The following IQGAP3 variants were observed in gnomAD, a reference collection of about 807,000 sequenced individuals.
IQGAP3 encodes the protein ras GTPase-activating-like protein IQGAP3.
A neutral mutation model predicts 208.2 loss-of-function variants in IQGAP3; 165 were observed. The observed-to-expected ratio is 0.79, with a 90% CI of 0.70 to 0.90. The LOEUF is 0.90. Ranked by LOEUF, IQGAP3 falls within the 40% of genes least tolerant of loss-of-function variation. The pLI, the probability that IQGAP3 is intolerant of heterozygous loss-of-function variation, is 0.00. For missense variants in IQGAP3, 1,811 were observed against 2,043.1 expected, an observed-to-expected ratio of 0.89 and a Z score of 2.19; for synonymous variants, 703 against 803.6, an observed-to-expected ratio of 0.87 and a Z score of 2.12.
At chr1:156,550,477 C>G in intron 15 of IQGAP3, 126 bp from the exon 16 acceptor site, 1 of 685,670 alleles carries the variant, frequency 1.5e-6, no homozygotes. Context: ...GTGATCTCCA[C>G]TCAGCTCTCT....
chr1:156,546,101 G>C (rs1223868658), intron 19 of IQGAP3, among the ~76,000 whole-genome samples: 1 of 152,132 alleles, frequency 6.6e-6, no homozygotes, highest in Non-Finnish European at 1.5e-5. Flanking sequence ...TCCTCCTCCA[G>C]GTACTGACTG....
chr1:156,568,442 C>T (rs1474716459), intron 2 of IQGAP3, among the ~76,000 whole-genome samples: 1 of 152,240 alleles, frequency 6.6e-6, no homozygotes, highest in Non-Finnish European at 1.5e-5. Context: ...GTCTCAAACT[C>T]CTGGCCCCAG....
Position 156,535,244 on chromosome 1 carries a change from A to G in IQGAP3, c.3426T>C (p.Tyr1142=). The G allele has an allele frequency of 6.2e-7, 1 of 1,609,576 alleles. No individual in the cohort carries two copies. Among genetic ancestry groups the G allele is most frequent in the Non-Finnish European group, 8.5e-7 (1 of 1,177,058 alleles). Residue 1142 remains tyrosine, a synonymous_variant, in exon 28 of 38, where the codon TAT becomes TAC. Coordinates refer to ENST00000361170, the MANE Select transcript of IQGAP3 (RefSeq NM_178229.5). The stretch of plus-strand genomic sequence containing the variant: ...GGACTTTGGCCACATATCGCATCCC[A>G]TACCTGGGGACAAAGAAACAGGTGC... The part of the protein sequence containing the change: ...AITSSVDQIP[Y]GMRYVAKVLK...
chr1:156,531,063 T>G, intron 33 of IQGAP3, 97 bp downstream of exon 33: 1 of 847,344 alleles, frequency 1.2e-6, no homozygotes, highest in Non-Finnish European at 2.0e-6. Flanking sequence ...TTCTGGCTGA[T>G]GTGGGTGAGG....
intron 28 of IQGAP3, 84 bp downstream of exon 28, chr1:156,535,077 TTG>T: frequency 2.0e-6 from 2 of 1,003,420 alleles, no homozygotes; most frequent in Non-Finnish European, 3.2e-6. Flanking sequence ...ATAGGATTTT[TTG>T]TGTTTTTGTC....
At position 156,530,263 on chromosome 1, in the gene IQGAP3, G is replaced by A; in HGVS notation, c.4246C>T (p.Pro1416Ser). The change falls in exon 34 of 38, where the codon CCG (proline) becomes TCG (serine). Residue 1416 changes from proline to serine, a missense_variant. By Grantham distance (74) the Pro-to-Ser change is moderately conservative (BLOSUM62 -1). Coordinates refer to ENST00000361170, the MANE Select transcript of IQGAP3 (RefSeq NM_178229.5). ...GAGCGGTGTCGTCGCAGTGGCTCCG[G>A]TGTCTGGGCTGTACAGGCCTGGCGT... ...SRRQACTAQT[P>S]EPLRRHRSLT... 7 of 1,612,544 alleles carry A rather than the reference G, an allele frequency of 4.3e-6. No individual in the cohort carries two copies. The highest frequency in any genetic ancestry group is 5.9e-6 in the Non-Finnish European group (7 of 1,179,994).
chr1:156,566,245 A>G, intron 3 of IQGAP3, 141 bp from the exon 4 acceptor site: 2 of 1,208,124 alleles, frequency 1.7e-6, no homozygotes, highest in Non-Finnish European at 2.4e-6. Flanking sequence ...TTCCATCCCT[A>G]CCAGGACAGA....
At chr1:156,565,547 T>C (rs1676363894) in intron 4 of IQGAP3, among the ~76,000 whole-genome samples, 2 of 152,254 alleles carry the variant, frequency 1.3e-5, no homozygotes, top group African/African-American at 4.8e-5. Flanking sequence ...CCATGTGATC[T>C]TCCTGACAAC....
At chr1:156,539,065 T>C (rs749997004) in intron 25 of IQGAP3, 32 bp from the exon 26 acceptor site, 2 of 1,579,376 alleles carry the variant, frequency 1.3e-6, no homozygotes, top group South Asian at 2.2e-5. Context: ...AAACCAGTCT[T>C]CTGCCTCTGT....
rs765779794 is a variant in IQGAP3, at chr1:156,530,306, G to C, written c.4203C>G (p.His1401Gln). The stretch of plus-strand genomic sequence containing the variant: ...CCTGGCGTCGGCTCATCAGCTGCTT[G>C]TGGGCTGCTTCCTGGGGACACACAG... The part of the protein sequence containing the change: ...LSASREQEAA[H>Q]KQLMSRRQAC... The change falls in exon 34 of 38, where the codon CAC becomes CAG. Residue 1401 changes from histidine to glutamine, a missense_variant. By Grantham distance (24) the His-to-Gln change is conservative (BLOSUM62 0). Coordinates refer to ENST00000361170, the MANE Select transcript of IQGAP3 (RefSeq NM_178229.5). 1.9e-6 allele frequency: 3 copies of C among 1,608,026 alleles called. No individual in the cohort carries two copies. The highest frequency in any genetic ancestry group is 2.7e-5 in the African/African-American group (2 of 74,888).
Position 156,548,447 on chromosome 1 carries a change from G to A in IQGAP3, c.2034C>T (p.Gly678=), listed in dbSNP as rs769466989. 5 of 1,613,822 alleles carry A rather than the reference G, an allele frequency of 3.1e-6. No homozygotes were observed. The highest frequency in any genetic ancestry group is 4.2e-6 in the Non-Finnish European group (5 of 1,179,974). Residue 678 remains glycine, a synonymous_variant, in exon 18 of 38, where the codon GGC becomes GGT. Transcript: ENST00000361170. ...TCTGCAGATGGAAGTAGTAGGCAGT[G>A]CCATCCTTCATGTCATGTTGAACCC... ...AFWVQHDMKD[G]TAYYFHLQTF...
At chr1:156,542,226 G>A (rs112796724) in intron 22 of IQGAP3, among the ~76,000 whole-genome samples, 6,848 of 152,240 alleles carry the variant, frequency 0.045, 206 homozygotes, top group South Asian at 0.082. Flanking sequence ...GTCTCGCTCT[G>A]TTGTCCAGGT....
chr1:156,572,197 G>A (rs74118711), intron 1 of IQGAP3, among the ~76,000 whole-genome samples: 3,026 of 152,328 alleles, frequency 0.02, 94 homozygotes, highest in African/African-American at 0.069. Flanking sequence ...TGAATTTCAA[G>A]GAGCCATTAG....
intron 11 of IQGAP3, 135 bp downstream of exon 11, chr1:156,560,799 G>C: frequency 1.6e-6 from 1 of 608,262 alleles, no homozygotes; most frequent in Admixed American, 2.7e-5. Flanking sequence ...GATTATGTGA[G>C]GGGAGAAGTT....
chr1:156,553,712 G>T (rs1282985814), intron 13 of IQGAP3, among the ~76,000 whole-genome samples: 3 of 151,688 alleles, frequency 2.0e-5, no homozygotes, highest in African/African-American at 7.3e-5. Context: ...TCCCAGAGTA[G>T]CTAGGATTAG....
chr1:156,537,935 T>TC (rs1674777564), intron 26 of IQGAP3, among the ~76,000 whole-genome samples: 1 of 151,906 alleles, frequency 6.6e-6, no homozygotes. Flanking sequence ...CTCACTCTGT[T>TC]GCCTAGAGCT....
At chr1:156,553,432 C>T (rs1259377315) in intron 13 of IQGAP3, among the ~76,000 whole-genome samples, 2 of 152,160 alleles carry the variant, frequency 1.3e-5, no homozygotes, top group African/African-American at 4.8e-5. Context: ...CATTTATGCC[C>T]TTTAGGTCTC....
chr1:156,567,109 C>T (rs1212772536), intron 2 of IQGAP3, among the ~76,000 whole-genome samples: 2 of 152,168 alleles, frequency 1.3e-5, no homozygotes, highest in African/African-American at 2.4e-5. Flanking sequence ...TCAGGTGATC[C>T]GCCCGCCTTG....
At position 156,551,973 on chromosome 1, in the gene IQGAP3, C is replaced by T. The variant is rs139298563; in HGVS notation, c.1570+1G>A. On this transcript the variant is annotated splice_donor_variant, in intron 14 of 37. Transcript: ENST00000361170. LOFTEE classifies it high-confidence loss of function. ...TCCACCCAGCTCCAGACTATACTTACGGTCAGTCTCTTCCTGGGTCTGTGC... is the reference window on the plus strand; with the variant it reads ...TCCACCCAGCTCCAGACTATACTTATGGTCAGTCTCTTCCTGGGTCTGTGC... 2.0e-3 allele frequency: 3,209 copies of T among 1,613,508 alleles called. 4 individuals carry two copies. Among genetic ancestry groups the T allele is most frequent in the Non-Finnish European group, 2.4e-3 (2,853 of 1,179,644 alleles).
Sources: allele counts gnomAD v4.1 joint callset (sites outside exome capture counted in the v4.1 genomes callset), GRCh38; gene constraint gnomAD v4.1.1; transcripts MANE v1.5; gene names NCBI Gene and HGNC (gene_info 2026-07-23, HGNC 2026-07-21).